DACT2: variants seen among roughly 807,000 people sequenced by gnomAD.
DACT2 encodes dapper homolog 2.
In DACT2, 20 loss-of-function variants were observed where a neutral mutation model predicts 22.2. That is an observed-to-expected ratio of 0.90 (90% CI 0.63 to 1.31). The LOEUF (loss-of-function observed/expected upper bound fraction) is 1.31. Ranked by LOEUF, DACT2 falls within the 50% of genes most tolerant of loss-of-function variation. The pLI, the probability that DACT2 is intolerant of heterozygous loss-of-function variation, is 0.00. For synonymous variants in DACT2, 463 were observed against 479.8 expected, an observed-to-expected ratio of 0.96 and a Z score of 0.46; for missense variants, 1,048 against 1,061.4, an observed-to-expected ratio of 0.99 and a Z score of 0.18.
chr6:168,303,772 A>G (rs1473681470), downstream of DACT2, among the ~76,000 whole-genome samples: 1 of 146,886 alleles, frequency 6.8e-6, no homozygotes, highest in African/African-American at 2.7e-5. Context: ...GAATTTGATC[A>G]GTAATGATAC....
At position 168,307,157 on chromosome 6, in the gene DACT2, G is replaced by A. The variant is rs1049166163; in HGVS notation, c.*275C>T. 1 of 1,271,402 alleles carries A rather than the reference G, an allele frequency of 7.9e-7. No individual in the cohort carries two copies. The allele number at this position is 1,271,402 out of a possible 1,614,324, so 78.8% of individuals were successfully genotyped here. On this transcript the variant is annotated 3_prime_UTR_variant, in exon 4 of 4. Coordinates refer to ENST00000366795, the MANE Select transcript of DACT2 (RefSeq NM_214462.5). This position sits in a 1 kb window ranked among gnomAD's most constrained non-coding sequence, Gnocchi z 5.3. ...ATGGAAACAAGGTGCATGCCGGGAA[G>A]CAGCATCCTGGGCAGACCTTGAAAA...
rs115686776 is a variant in DACT2, at chr6:168,311,023, A to G, written c.379+129T>C. On this transcript the variant is annotated intron_variant, in intron 2 of 3. Coordinates refer to ENST00000366795, the MANE Select transcript of DACT2 (RefSeq NM_214462.5). ...TTCAGATCAGCCTGACGAAGCGGCCATCTCCCTGCACGGACACTAGGATAC... is the reference window on the plus strand; with the variant it reads ...TTCAGATCAGCCTGACGAAGCGGCCGTCTCCCTGCACGGACACTAGGATAC... 2.1e-3 allele frequency: 2,583 copies of G among 1,246,078 alleles called. 46 individuals are homozygous for G. The African/African-American group carries it at 0.033, about 16-fold the overall frequency. The allele number at this position is 1,246,078 out of a possible 1,614,324, so 77.2% of individuals were successfully genotyped here.
At chr6:168,298,914 A>G (rs1290411289) in intron 3 of DACT2, 1 of 152,220 alleles carries the variant, frequency 6.6e-6, no homozygotes, top group African/African-American at 2.4e-5. Flanking sequence ...TCTACCTCAC[A>G]GGATTGTCAT....
At chr6:168,304,753 GCCGACTCA>G (rs1426358721), downstream of DACT2, among the ~76,000 whole-genome samples, 8 of 152,206 alleles carry the variant, frequency 5.3e-5, no homozygotes, top group African/African-American at 1.9e-4. Flanking sequence ...GAAGGAGGAA[GCCGACTCA>G]GCCAGGCTAT....
chr6:168,311,594 A>ACACACTCACACC (rs1332323296), intron 1 of DACT2, among the ~76,000 whole-genome samples: 276 of 65,538 alleles, frequency 4.2e-3, no homozygotes, highest in East Asian at 0.038. Flanking sequence ...CCACACACAC[A>ACACACTCACACC]CATACACACA....
At chr6:168,303,994 T>C (rs989614967), downstream of DACT2, among the ~76,000 whole-genome samples, 2 of 152,210 alleles carry the variant, frequency 1.3e-5, no homozygotes, top group Non-Finnish European at 2.9e-5. Context: ...AACTTTATCC[T>C]GTTATTTTTA....
chr6:168,309,062 A>C lies in DACT2; in HGVS notation c.695T>G (p.Leu232Arg). ...LDRALPADTG[L>R]QKASADAELL... ...CTCGGCGTCCGCGCTGGCTTTCTGG[A>C]GCCCCGTGTCCGCCGGCAGGGCTCT... is the stretch of plus-strand genomic sequence containing the variant. Residue 232 changes from leucine to arginine, a missense_variant, in exon 4 of 4, where the codon CTC (leucine) becomes CGC (arginine). Physicochemically the swap from Leu to Arg is moderately radical, Grantham distance 102 (BLOSUM62 -2). Coordinates refer to ENST00000366795, the MANE Select transcript of DACT2 (RefSeq NM_214462.5). The C allele has an allele frequency of 6.5e-7, 1 of 1,538,022 alleles. No individual in the cohort carries two copies. Among genetic ancestry groups the C allele is most frequent in the Non-Finnish European group, 8.7e-7 (1 of 1,144,308 alleles).
At chr6:168,293,807 G>A (rs1366087135) in exon 6 of DACT2, 1 of 699,780 alleles carries the variant, frequency 1.4e-6, no homozygotes, top group African/African-American at 1.7e-5. Flanking sequence ...ATGATATCGG[G>A]AGAAGAAGCT....
intron 1 of DACT2, among the ~76,000 whole-genome samples, chr6:168,312,665 A>G (rs1418562109): frequency 6.6e-6 from 1 of 152,168 alleles, no homozygotes; most frequent in African/African-American, 2.4e-5. Context: ...ATGAACAACT[A>G]CGATTAAGGC....
At position 168,307,260 on chromosome 6, in the gene DACT2, C is replaced by A; in HGVS notation, c.*172G>T. On this transcript the variant is annotated 3_prime_UTR_variant, in exon 4 of 4. Coordinates refer to ENST00000366795, the MANE Select transcript of DACT2 (RefSeq NM_214462.5). The surrounding 1 kb of genome is among the most constrained non-coding windows in gnomAD (Gnocchi z 5.3). ...ATGGAAGTCTTTGCTGGGGCGGGGACTCACGGCCATACTCCACAGGGCAGA... is the reference window on the plus strand; with the variant it reads ...ATGGAAGTCTTTGCTGGGGCGGGGAATCACGGCCATACTCCACAGGGCAGA... 1.4e-6 allele frequency: 2 copies of A among 1,424,196 alleles called. No homozygotes were observed. Among genetic ancestry groups the A allele is most frequent in the Non-Finnish European group, 1.8e-6 (2 of 1,095,258 alleles). The allele number at this position is 1,424,196 out of a possible 1,614,324, so 88.2% of individuals were successfully genotyped here.
At position 168,294,750 on chromosome 6, in the gene DACT2, C is replaced by T. The variant is rs78099509; in HGVS notation, c.659-46G>A. Reference sequence around the variant, plus strand: ...ATGTGCGTGAGAGCTACAGAACACACCTGCAGCTTCAACGATTCTGCGATT... The same window carrying T: ...ATGTGCGTGAGAGCTACAGAACACATCTGCAGCTTCAACGATTCTGCGATT... On this transcript the variant is annotated intron_variant, in intron 3 of 5. Coordinates refer to the DACT2 transcript ENST00000366796. 2,997 of 983,388 alleles carry T rather than the reference C, an allele frequency of 3.0e-3. 80 individuals are homozygous for T. In the African/African-American group the frequency reaches 0.048, roughly 16 times the overall value. 60.9% of individuals were successfully genotyped at this position (983,388 alleles called of 1,614,324 possible).
chr6:168,318,310 C>A (rs1009564667), intron 1 of DACT2, among the ~76,000 whole-genome samples: 2 of 152,270 alleles, frequency 1.3e-5, no homozygotes, highest in Non-Finnish European at 2.9e-5. Context: ...TCTACCACCT[C>A]CGTCTTCCAC....
downstream of DACT2, among the ~76,000 whole-genome samples, chr6:168,304,264 A>C (rs1459174861): frequency 6.6e-6 from 1 of 152,212 alleles, no homozygotes. Flanking sequence ...TTTAGAGGAA[A>C]AATATGCACA....
chr6:168,302,974 G>T (rs1409708581), downstream of DACT2, among the ~76,000 whole-genome samples: 3 of 152,180 alleles, frequency 2.0e-5, no homozygotes, highest in Admixed American at 6.5e-5. Context: ...AATTCTTGTG[G>T]ACTTTAATCT....
At position 168,308,755 on chromosome 6, in the gene DACT2, G is replaced by T; in HGVS notation, c.1002C>A (p.Ile334=). The T allele has an allele frequency of 1.3e-6, 2 of 1,551,326 alleles. No individual in the cohort carries two copies. The change falls in exon 4 of 4, where the codon ATC becomes ATA. Residue 334 remains isoleucine, a synonymous_variant. Coordinates refer to ENST00000366795, the MANE Select transcript of DACT2 (RefSeq NM_214462.5). ...EAGPARARAY[I]DRLLHLWGRE... is the part of the protein sequence containing the mutation. ...GGCCCCACAGATGCAGCAACCTGTCGATATAAGCTCTGGCCCTGGCCGGGC... is the reference window on the plus strand; with the variant it reads ...GGCCCCACAGATGCAGCAACCTGTCTATATAAGCTCTGGCCCTGGCCGGGC...
chr6:168,313,402 T>C (rs2114916543), intron 1 of DACT2, among the ~76,000 whole-genome samples: 1 of 152,262 alleles, frequency 6.6e-6, no homozygotes, highest in South Asian at 2.1e-4. Flanking sequence ...CTGAATTTAA[T>C]CAAAATGTTA....
At chr6:168,293,569 C>T in exon 6 of DACT2, 1 of 326,216 alleles carries the variant, frequency 3.1e-6, no homozygotes, top group Non-Finnish European at 5.7e-6. Context: ...GCTTATGGCC[C>T]CAGCACTTGC....
At chr6:168,293,241 A>G (rs183359885) in exon 6 of DACT2, 2 of 152,496 alleles carry the variant, frequency 1.3e-5, no homozygotes, top group African/African-American at 4.8e-5. Flanking sequence ...TGTTCATCCT[A>G]TGAATGCATG....
In DACT2 at chr6:168,319,638, C is replaced by A; in HGVS notation, c.-5G>T. The A allele has an allele frequency of 7.9e-7, 1 of 1,270,742 alleles. No individual in the cohort carries two copies. Among genetic ancestry groups the A allele is most frequent in the Non-Finnish European group, 9.9e-7 (1 of 1,006,602 alleles). The allele number at this position is 1,270,742 out of a possible 1,614,324, so 78.7% of individuals were successfully genotyped here. ...GGGTCCGCCCGGCGTCCACATCTCC[C>A]GGGCAGGGTCCCGGCCTCCCGAACC... is the stretch of plus-strand genomic sequence containing the variant. On this transcript the variant is annotated 5_prime_UTR_variant, in exon 1 of 4. Coordinates refer to ENST00000366795, the MANE Select transcript of DACT2 (RefSeq NM_214462.5).
Sources: gnomAD v4.1 joint callset for allele counts (sites outside exome capture counted in the v4.1 genomes callset) on GRCh38, gnomAD v4.1.1 for gene constraint, Gnocchi (gnomAD v3.1) non-coding constraint, MANE v1.5 for transcripts, NCBI Gene and HGNC (gene_info 2026-07-23, HGNC 2026-07-21) for gene names.